ZDHHC14: variants seen among roughly 807,000 people sequenced by gnomAD.
ZDHHC14 encodes the protein palmitoyltransferase ZDHHC14.
A neutral mutation model predicts 47.7 loss-of-function variants in ZDHHC14; 16 were observed. That is an observed-to-expected ratio of 0.34 (90% CI 0.23 to 0.51). The LOEUF is 0.51. Ranked by LOEUF, ZDHHC14 falls within the 20% of genes least tolerant of loss-of-function variation. The probability of loss-of-function intolerance (pLI) is 0.97; values close to 1 mark genes in which losing one functional copy is unlikely to be tolerated. For missense variants in ZDHHC14, 515 were observed against 662.5 expected (o/e 0.78, Z 2.44); for synonymous variants, 293 against 278.9 (o/e 1.05, Z -0.50).
intron 1 of ZDHHC14, among the ~76,000 whole-genome samples, chr6:157,424,003 A>T (rs1381404423): frequency 6.6e-6 from 1 of 152,222 alleles, no homozygotes; most frequent in African/African-American, 2.4e-5. Context: ...GCTGGGCCTC[A>T]ACTTGTCCCA....
intron 1 of ZDHHC14, among the ~76,000 whole-genome samples, chr6:157,510,234 A>G (rs1271223925): frequency 6.6e-6 from 1 of 152,070 alleles, no homozygotes; most frequent in East Asian, 1.9e-4. Context: ...ACAGAGCGAG[A>G]CTCTGTCTCA....
chr6:157,447,534 C>T (rs1778705855), intron 1 of ZDHHC14, among the ~76,000 whole-genome samples: 1 of 152,132 alleles, frequency 6.6e-6, no homozygotes, highest in Non-Finnish European at 1.5e-5. Flanking sequence ...GCGATTAGTG[C>T]TTGGACAGGC....
chr6:157,463,124 A>G lies in ZDHHC14; in HGVS notation c.246-79461A>G, dbSNP rs1779133132. On this transcript the variant is annotated intron_variant, in intron 1 of 8. Transcript: ENST00000359775. This position sits in a 1 kb window ranked among gnomAD's most constrained non-coding sequence, Gnocchi z 4.4. ...TACACGAGTTGTTGGCTATTCAGAC[A>G]TGCACGTGAGGCAGCTGGAAATGAG... Among the ~76,000 whole-genome samples the G allele has an allele frequency of 6.6e-6, 1 of 152,238 alleles. No individual in the cohort carries two copies. The highest frequency in any genetic ancestry group is 1.5e-5 in the Non-Finnish European group (1 of 68,046).
chr6:157,645,747 G>A lies in ZDHHC14; in HGVS notation c.763G>A (p.Ala255Thr). The A allele has an allele frequency of 6.2e-7, 1 of 1,613,952 alleles. No individual in the cohort carries two copies. Among genetic ancestry groups the A allele is most frequent in the South Asian group, 1.1e-5 (1 of 90,996 alleles). ...LKDSPASVLEAVVCFFSVWSI... is the reference protein window; with the variant it reads ...LKDSPASVLETVVCFFSVWSI... ...CTTGACTCGCATCACCGTCCTGGAG[G>A]CTGTGGTGTGCTTCTTCTCTGTCTG... is the stretch of plus-strand genomic sequence containing the variant. The change falls in exon 6 of 9, where the codon GCT becomes ACT. Residue 255 changes from alanine (A) to threonine (T), a missense_variant. By Grantham distance (58) the Ala-to-Thr change is moderately conservative. This residue lies in a region of ZDHHC14 where 229 missense variants were observed against 351.5 expected (regional missense o/e 0.65). Coordinates refer to ENST00000359775, the MANE Select transcript of ZDHHC14 (RefSeq NM_024630.3).
intron 1 of ZDHHC14, among the ~76,000 whole-genome samples, chr6:157,402,089 C>A (rs1003286855): frequency 6.7e-6 from 1 of 148,738 alleles, no homozygotes; most frequent in African/African-American, 2.5e-5. Flanking sequence ...GGTCACACTG[C>A]ATTAGTGAGA....
At chr6:157,465,706 G>A (rs992438315) in intron 1 of ZDHHC14, among the ~76,000 whole-genome samples, 1 of 152,176 alleles carries the variant, frequency 6.6e-6, no homozygotes, top group African/African-American at 2.4e-5. Context: ...GGGCAGGTTG[G>A]CCTCTGTGCC....
At chr6:157,564,145 A>T (rs1029283201) in intron 2 of ZDHHC14, among the ~76,000 whole-genome samples, 7 of 152,198 alleles carry the variant, frequency 4.6e-5, no homozygotes, top group Non-Finnish European at 7.3e-5. Context: ...CCAGATTTTT[A>T]AAAAAATCCA....
rs144569042 is a variant in ZDHHC14 at position 157,410,703 on chromosome 6, T to C, written c.245+28437T>C. ...TTTGATTTCATCTCTCTTTTTTATT[T>C]ATTTATTTTTTTGAGATGGAGTCTC... On this transcript the variant is annotated intron_variant, in intron 1 of 8. Coordinates refer to ENST00000359775, the MANE Select transcript of ZDHHC14 (RefSeq NM_024630.3). 6.8e-3 allele frequency among the ~76,000 whole-genome samples: 1,042 copies of C among 152,232 alleles called. 5 individuals carry two copies. The highest frequency in any genetic ancestry group is 0.01 in the Non-Finnish European group (698 of 67,996).
At chr6:157,671,600 G>A (rs1424983502) in intron 8 of ZDHHC14, among the ~76,000 whole-genome samples, 2 of 152,160 alleles carry the variant, frequency 1.3e-5, no homozygotes, top group African/African-American at 2.4e-5. Context: ...AGCTATCAGG[G>A]GTGCCTGTCG....
chr6:157,435,227 A>G (rs1432197675), intron 1 of ZDHHC14, among the ~76,000 whole-genome samples: 1 of 152,244 alleles, frequency 6.6e-6, no homozygotes. Context: ...ACTAGGATTT[A>G]ACACTCTGTT....
intron 8 of ZDHHC14, among the ~76,000 whole-genome samples, chr6:157,671,124 C>T (rs939587433): frequency 6.6e-6 from 1 of 152,174 alleles, no homozygotes; most frequent in African/African-American, 2.4e-5. Context: ...ACCTAAATCA[C>T]AAAGCCATTG....
At chr6:157,597,853 G>A (rs1377333924) in intron 3 of ZDHHC14, among the ~76,000 whole-genome samples, 6 of 152,246 alleles carry the variant, frequency 3.9e-5, no homozygotes, top group Non-Finnish European at 8.8e-5. Flanking sequence ...CATTTTTGGT[G>A]TGGGTGCCAC....
At chr6:157,571,487 T>C (rs1783093865) in intron 2 of ZDHHC14, among the ~76,000 whole-genome samples, 1 of 152,258 alleles carries the variant, frequency 6.6e-6, no homozygotes, top group Non-Finnish European at 1.5e-5. Flanking sequence ...TTTAAACACC[T>C]GGCCTGGCTG....
At chr6:157,521,537 T>C (rs1780914080) in intron 1 of ZDHHC14, among the ~76,000 whole-genome samples, 2 of 152,224 alleles carry the variant, frequency 1.3e-5, no homozygotes, top group South Asian at 4.1e-4. Context: ...GGTTCAAAGA[T>C]GGCACCTTCT....
chr6:157,628,167 C>G (rs923679049), intron 3 of ZDHHC14, among the ~76,000 whole-genome samples, 182 bp from the exon 4 acceptor site: 4 of 149,510 alleles, frequency 2.7e-5, no homozygotes, highest in African/African-American at 9.9e-5. Flanking sequence ...GAAAGAATGA[C>G]GATGTCCTTG....
At chr6:157,413,886 G>A (rs761237192) in intron 1 of ZDHHC14, among the ~76,000 whole-genome samples, 18 of 151,294 alleles carry the variant, frequency 1.2e-4, no homozygotes, top group Non-Finnish European at 2.2e-4. Context: ...AGGCCGGGAC[G>A]ACACTGCGCA....
rs1778980781 is a variant in ZDHHC14 at position 157,677,025 on chromosome 6, C to T, written c.*3903C>T. On this transcript the variant is annotated 3_prime_UTR_variant, in exon 9 of 9. Transcript: ENST00000359775. Reference sequence around the variant, plus strand: ...TAAAGGAGAACAAATATTAAATACTCTTTTCTAATTGATGCCTTACTACTG... The same window carrying T: ...TAAAGGAGAACAAATATTAAATACTTTTTTCTAATTGATGCCTTACTACTG... The T allele has an allele frequency of 6.6e-6, 1 of 152,178 alleles. No homozygotes were observed. Among genetic ancestry groups the T allele is most frequent in the African/African-American group, 2.4e-5 (1 of 41,428 alleles). The allele number at this position is 152,178 out of a possible 1,614,324, so 9.4% of individuals were successfully genotyped here. A position where few individuals can be genotyped will look rare whatever the true frequency, so the allele number is the denominator to read the frequency against.
At chr6:157,550,151 G>A (rs1365060029) in intron 2 of ZDHHC14, among the ~76,000 whole-genome samples, 1 of 152,216 alleles carries the variant, frequency 6.6e-6, no homozygotes, top group Admixed American at 6.5e-5. Flanking sequence ...TTGGTGCTCA[G>A]CCTGCACTGA....
chr6:157,438,551 C>T (rs1219303746), intron 1 of ZDHHC14, among the ~76,000 whole-genome samples: 2 of 152,202 alleles, frequency 1.3e-5, no homozygotes, highest in Non-Finnish European at 2.9e-5. Flanking sequence ...AATGCTGAAA[C>T]CCCCCTGTGA....
Sources: gnomAD v4.1 joint callset for allele counts (sites outside exome capture counted in the v4.1 genomes callset) on GRCh38, gnomAD v4.1.1 for gene constraint, gnomAD v4.1.1 regional missense constraint, Gnocchi (gnomAD v3.1) non-coding constraint, MANE v1.5 for transcripts, NCBI Gene and HGNC (gene_info 2026-07-23, HGNC 2026-07-21) for gene names.